FHIT: variants seen among roughly 807,000 people sequenced by gnomAD.
The protein encoded by FHIT is bis(5'-adenosyl)-triphosphatase.
Under a neutral mutation model 17.9 loss-of-function variants are expected in FHIT, and 19 were observed. The observed-to-expected ratio is 1.06, with a 90% CI of 0.74 to 1.56. FHIT has a LOEUF of 1.56. Among genes scored for constraint, FHIT ranks in the 40% most tolerant of loss-of-function variants. The probability of loss-of-function intolerance (pLI) is 0.00; values close to 1 mark genes in which losing one functional copy is unlikely to be tolerated. For missense variants in FHIT, 248 were observed against 189.2 expected (o/e 1.31, Z -1.82); for synonymous variants, 81 against 69.7 (o/e 1.16, Z -0.81).
At chr3:60,420,153 A>G (rs566011299) in intron 5 of FHIT, among the ~76,000 whole-genome samples, 8 of 152,260 alleles carry the variant, frequency 5.3e-5, no homozygotes, top group African/African-American at 1.7e-4. Context: ...GTAAATATAC[A>G]CCTAAAATCA....
At chr3:59,799,387 G>C (rs1170423511) in intron 8 of FHIT, among the ~76,000 whole-genome samples, 5 of 149,880 alleles carry the variant, frequency 3.3e-5, no homozygotes, top group Non-Finnish European at 7.4e-5. Flanking sequence ...AAATACCTTA[G>C]GGCACGGACG....
chr3:60,876,919 T>G (rs1268233041), intron 3 of FHIT, among the ~76,000 whole-genome samples: 3 of 152,004 alleles, frequency 2.0e-5, no homozygotes, highest in Non-Finnish European at 4.4e-5. Context: ...ACATCACAAC[T>G]CCACCACCCT....
At chr3:59,958,818 G>T (rs1198474911) in intron 7 of FHIT, among the ~76,000 whole-genome samples, 1 of 152,118 alleles carries the variant, frequency 6.6e-6, no homozygotes, top group African/African-American at 2.4e-5. Context: ...TTGGAGTTGG[G>T]ATGAATAAGT....
chr3:60,173,736 G>A lies in FHIT; in HGVS notation c.104-159584C>T, dbSNP rs561511557. ...GGTCTCAGTTCTCAGTGGACTCTGT[G>A]GGGTCAGGAGGAGCCCTTTCTCTGG... is the stretch of plus-strand genomic sequence containing the variant. On this transcript the variant is annotated intron_variant, in intron 5 of 9. Coordinates refer to ENST00000492590, the MANE Select transcript of FHIT (RefSeq NM_002012.4). 1.6e-3 allele frequency among the ~76,000 whole-genome samples: 237 copies of A among 151,394 alleles called. 1 individual carries two copies. The South Asian group carries it at 0.03, about 19-fold the overall frequency.
At chr3:61,111,880 G>A (rs528604300) in intron 2 of FHIT, among the ~76,000 whole-genome samples, 60 of 152,198 alleles carry the variant, frequency 3.9e-4, no homozygotes, top group Non-Finnish European at 7.3e-4. Context: ...CTAGCCAGCA[G>A]AAGTCAGAAA....
intron 5 of FHIT, among the ~76,000 whole-genome samples, chr3:60,291,071 GTTCA>G (rs1465705933): frequency 6.6e-6 from 1 of 152,140 alleles, no homozygotes; most frequent in Non-Finnish European, 1.5e-5. Flanking sequence ...TGATAATCAG[GTTCA>G]TTGTCTCACA....
At chr3:60,350,343 G>T (rs1023937642) in intron 5 of FHIT, among the ~76,000 whole-genome samples, 15 of 152,098 alleles carry the variant, frequency 9.9e-5, no homozygotes, top group Admixed American at 3.9e-4. Flanking sequence ...AACTAAAAGT[G>T]GGTTTCAGCT....
intron 5 of FHIT, among the ~76,000 whole-genome samples, chr3:60,464,729 A>G (rs1014768244): frequency 1.3e-5 from 2 of 152,158 alleles, no homozygotes; most frequent in Non-Finnish European, 2.9e-5. Context: ...TCCATTGTGT[A>G]TATGTATCAT....
intron 5 of FHIT, among the ~76,000 whole-genome samples, chr3:60,464,034 AATC>A (rs2032640829): frequency 6.6e-6 from 1 of 152,304 alleles, no homozygotes; most frequent in Admixed American, 6.5e-5. Flanking sequence ...CACAGTTTGG[AATC>A]ATCATCATAA....
intron 4 of FHIT, among the ~76,000 whole-genome samples, chr3:60,685,318 C>A (rs935858818): frequency 6.6e-6 from 1 of 152,150 alleles, no homozygotes; most frequent in Non-Finnish European, 1.5e-5. Context: ...TCCTCAGGCC[C>A]AGCTAAAAAA....
chr3:60,110,555 T>C (rs1181247496), intron 5 of FHIT, among the ~76,000 whole-genome samples: 2 of 152,202 alleles, frequency 1.3e-5, no homozygotes, highest in African/African-American at 2.4e-5. Flanking sequence ...TAAGTTCAAA[T>C]TCTGTTTCCA....
At chr3:60,676,128 C>T (rs781929094) in intron 4 of FHIT, among the ~76,000 whole-genome samples, 7 of 152,194 alleles carry the variant, frequency 4.6e-5, no homozygotes, top group African/African-American at 9.6e-5. Context: ...CTAAAGCTGA[C>T]GGACAGGGCA....
Position 60,537,520 on chromosome 3 carries a change from A to G in FHIT, c.-17-541T>C, listed in dbSNP as rs191412182. The stretch of plus-strand genomic sequence containing the variant: ...GAACTATTCTAGTAAAATCTCCAAA[A>G]TAAAGGAGAAAAAAAACATTTAAAA... On this transcript the variant is annotated intron_variant, in intron 4 of 9. Coordinates refer to ENST00000492590, the MANE Select transcript of FHIT (RefSeq NM_002012.4). The G allele has an allele frequency of 5.4e-4, 495 of 923,408 alleles. 11 individuals carry two copies. In the Admixed American group the frequency reaches 0.025, roughly 47 times the overall value. 57.2% of individuals were successfully genotyped at this position (923,408 alleles called of 1,614,324 possible).
chr3:60,732,473 C>T (rs1185910834), intron 4 of FHIT: 3 of 706,790 alleles, frequency 4.2e-6, no homozygotes, highest in Non-Finnish European at 8.1e-6. Context: ...TGTAATAATT[C>T]TGTGAAAGCA....
At chr3:59,879,306 A>C (rs1188651804) in intron 8 of FHIT, among the ~76,000 whole-genome samples, 1 of 152,186 alleles carries the variant, frequency 6.6e-6, no homozygotes, top group Non-Finnish European at 1.5e-5. Flanking sequence ...TCTGACTGTC[A>C]CTGCAAGCCA....
intron 5 of FHIT, among the ~76,000 whole-genome samples, chr3:60,156,185 C>T (rs1268880647): frequency 6.6e-6 from 1 of 151,718 alleles, no homozygotes. Flanking sequence ...AACCCCTTCT[C>T]TACTAAAAAT....
intron 5 of FHIT, among the ~76,000 whole-genome samples, chr3:60,154,643 G>A (rs1464561243): frequency 1.3e-5 from 2 of 152,104 alleles, no homozygotes; most frequent in Non-Finnish European, 2.9e-5. Context: ...GCTCTTCGTG[G>A]TGCTAAACCT....
intron 8 of FHIT, among the ~76,000 whole-genome samples, chr3:59,774,109 G>A (rs372145886): frequency 4.6e-5 from 7 of 152,142 alleles, no homozygotes; most frequent in Admixed American, 1.3e-4. Context: ...GCCCTACAGC[G>A]TGAGATGCGC....
intron 3 of FHIT, among the ~76,000 whole-genome samples, chr3:60,956,513 G>C (rs782049573): frequency 6.6e-6 from 1 of 152,216 alleles, no homozygotes. Context: ...CCAAATATTT[G>C]TATCTCTTGT....
Sources: allele counts gnomAD v4.1 joint callset (sites outside exome capture counted in the v4.1 genomes callset), GRCh38; gene constraint gnomAD v4.1.1; transcripts MANE v1.5; gene names NCBI Gene and HGNC (gene_info 2026-07-23, HGNC 2026-07-21).